IDH1: variants seen among roughly 807,000 people sequenced by gnomAD.
IDH1 encodes the protein isocitrate dehydrogenase [NADP] cytoplasmic.
Under a neutral mutation model 46.1 loss-of-function variants are expected in IDH1, and 33 were observed. The ratio of observed to expected loss-of-function variants is 0.72; its 90% confidence interval spans 0.54 to 0.96. IDH1 has a LOEUF of 0.96. Among genes scored for constraint, IDH1 ranks in the 40% least tolerant of loss-of-function variants. The pLI, the probability that IDH1 is intolerant of heterozygous loss-of-function variation, is 0.00. For synonymous variants in IDH1, 144 were observed against 172.8 expected (o/e 0.83, Z 1.31); for missense variants, 421 against 515.7 (o/e 0.82, Z 1.78).
chr2:208,236,977 C>A lies in IDH1; in HGVS notation c.*102G>T. ...TAAACTCTGGCTTCTAAACAAATTA[C>A]AAAATTGATTTTGCCTTTATCCTTG... is the stretch of plus-strand genomic sequence containing the variant. On this transcript the variant is annotated 3_prime_UTR_variant, in exon 10 of 10. Coordinates refer to ENST00000345146, the MANE Select transcript of IDH1 (RefSeq NM_005896.4). 1 of 698,232 alleles carries A rather than the reference C, an allele frequency of 1.4e-6. No individual in the cohort carries two copies. The highest frequency in any genetic ancestry group is 2.5e-6 in the Non-Finnish European group (1 of 396,584). The allele number at this position is 698,232 out of a possible 1,614,324, so 43.3% of individuals were successfully genotyped here.
At chr2:208,252,805 C>G (rs914925155) in intron 2 of IDH1, among the ~76,000 whole-genome samples, 3 of 152,222 alleles carry the variant, frequency 2.0e-5, no homozygotes, top group Admixed American at 2.0e-4. Context: ...CCCATTTTCA[C>G]TTCCCAAATT....
In IDH1 at chr2:208,251,367, C is replaced by T. The variant is rs547698484; in HGVS notation, c.122+63G>A. 1.4e-5 allele frequency: 23 copies of T among 1,589,872 alleles called. No homozygotes were observed. The South Asian group carries it at 2.2e-4, about 15-fold the overall frequency. ...CTAAGTAGCTGGGACTTCACGTGTG[C>T]ACCACCATGCCCAGCCAGATTATCC... On this transcript the variant is annotated intron_variant, in intron 3 of 9. Transcript: ENST00000345146.
chr2:208,250,715 TACAC>T (rs1364361939), intron 3 of IDH1, among the ~76,000 whole-genome samples: 3 of 152,196 alleles, frequency 2.0e-5, no homozygotes, highest in Non-Finnish European at 4.4e-5. Context: ...CCAGGCACTT[TACAC>T]ACAGGGCAAA....
rs764425733 is a variant in IDH1, at chr2:208,245,393, G to A, written c.446C>T (p.Pro149Leu). ...YRATDFVVPG[P>L]GKVEITYTPS... ...TGTGTAGGTTATCTCTACTTTTCCA[G>A]GCCCAGGAACAACAAAATCAGTTGC... The change falls in exon 5 of 10, where the codon CCT becomes CTT. Residue 149 changes from proline (P) to leucine (L), a missense_variant. By Grantham distance (98) the Pro-to-Leu change is moderately conservative. Coordinates refer to ENST00000345146, the MANE Select transcript of IDH1 (RefSeq NM_005896.4). 5 of 1,611,722 alleles carry A rather than the reference G, an allele frequency of 3.1e-6. No individual in the cohort carries two copies. In the East Asian group the frequency reaches 1.1e-4, roughly 36 times the overall value.
rs1687871079 is a variant in IDH1 at position 208,239,136 on chromosome 2, A to T, written c.1089T>A (p.Ser363=). 6.2e-7 allele frequency: 1 copy of T among 1,613,784 alleles called. No homozygotes were observed. Among genetic ancestry groups the T allele is most frequent in the South Asian group, 1.1e-5 (1 of 91,076 alleles). The change falls in exon 9 of 10, where the codon TCT becomes TCA. Residue 363 remains serine, a synonymous_variant. Transcript: ENST00000345146. ...TGAAGCCAGCCTCAATTGTCTCAAT[A>T]GAGACTTCTTCCAAAGCATTTGCAA... ...AFFANALEEV[S]IETIEAGFMT...
At chr2:208,249,857 C>T (rs1157965031) in intron 3 of IDH1, among the ~76,000 whole-genome samples, 2 of 152,152 alleles carry the variant, frequency 1.3e-5, no homozygotes, top group African/African-American at 4.8e-5. Context: ...TGATCCAATC[C>T]CAACTCCAAC....
chr2:208,246,780 T>C (rs1371959424), intron 4 of IDH1, among the ~76,000 whole-genome samples: 1 of 150,848 alleles, frequency 6.6e-6, no homozygotes, highest in East Asian at 2.0e-4. Context: ...CCGTCTCTAC[T>C]AAAAACACAA....
chr2:208,244,732 G>A (rs1330559725), intron 5 of IDH1, among the ~76,000 whole-genome samples: 1 of 152,190 alleles, frequency 6.6e-6, no homozygotes, highest in Non-Finnish European at 1.5e-5. Flanking sequence ...GGGTATTTTT[G>A]TTTGTGTGAG....
At chr2:208,247,345 C>T (rs947282248) in intron 4 of IDH1, 2 of 152,212 alleles carry the variant, frequency 1.3e-5, no homozygotes, top group African/African-American at 4.8e-5. Flanking sequence ...AATTTGGCAA[C>T]AAGTGTACTG....
At chr2:208,245,446 A>G (rs1387533628) in intron 4 of IDH1, 22 bp from the exon 5 acceptor site, 1 of 1,320,620 alleles carries the variant, frequency 7.6e-7, no homozygotes, top group Non-Finnish European at 1.1e-6. Context: ...GGAAAAAGGT[A>G]TAAAGAAAAA....
At position 208,245,318 on chromosome 2, in the gene IDH1, C is replaced by A. The variant is rs1359201780; in HGVS notation, c.520+1G>T. 6.8e-7 allele frequency: 1 copy of A among 1,470,812 alleles called. No homozygotes were observed. The highest frequency in any genetic ancestry group is 9.5e-7 in the Non-Finnish European group (1 of 1,050,924). The allele number at this position is 1,470,812 out of a possible 1,614,324, so 91.1% of individuals were successfully genotyped here. A position where few individuals can be genotyped will look rare whatever the true frequency, so the allele number is the denominator to read the frequency against. ...GAAGCTTATGCTACAGTCATACATA[C>A]CTTCAAAGTTATGTACCAGGTATGT... is the stretch of plus-strand genomic sequence containing the variant. On this transcript the variant is annotated splice_donor_variant, in intron 5 of 9. Transcript: ENST00000345146. LOFTEE classifies it high-confidence loss of function.
chr2:208,248,030 G>A, intron 4 of IDH1: 1 of 322,178 alleles, frequency 3.1e-6, no homozygotes, highest in African/African-American at 2.2e-5. Context: ...CTATTGTGCA[G>A]CCAGTGTTGA....
At chr2:208,250,296 G>C (rs1688098987) in intron 3 of IDH1, among the ~76,000 whole-genome samples, 1 of 39,622 alleles carries the variant, frequency 2.5e-5, no homozygotes, top group Non-Finnish European at 8.0e-5. Context: ...GAGTTCCTAA[G>C]ATGCTTTTTT....
At chr2:208,241,784 G>T (rs1470814288) in intron 7 of IDH1, among the ~76,000 whole-genome samples, 1 of 152,194 alleles carries the variant, frequency 6.6e-6, no homozygotes, top group African/African-American at 2.4e-5. Flanking sequence ...GGAGCCAGGA[G>T]TGTCAATCCA....
chr2:208,247,445 T>A (rs1252242870), intron 4 of IDH1: 2 of 152,224 alleles, frequency 1.3e-5, no homozygotes, highest in African/African-American at 4.8e-5. Context: ...GTTTTTTTTT[T>A]CTTTTTCTTT....
intron 8 of IDH1, 123 bp from the exon 9 acceptor site, chr2:208,239,356 A>T (rs1687875566): frequency 1.1e-6 from 1 of 931,736 alleles, no homozygotes; most frequent in African/African-American, 1.6e-5. Flanking sequence ...TTAGATACTA[A>T]CCACATGGGC....
At position 208,250,691 on chromosome 2, in the gene IDH1, T is replaced by G. The variant is rs137929585; in HGVS notation, c.122+739A>C. ...AAAAAAATGAGAGAATTACATAGAC[T>G]TTTGCATCTGTCCCCAGGCACTTTA... On this transcript the variant is annotated intron_variant, in intron 3 of 9. Transcript: ENST00000345146. 6.5e-3 allele frequency among the ~76,000 whole-genome samples: 990 copies of G among 152,228 alleles called. 16 individuals are homozygous for G. Among genetic ancestry groups the G allele is most frequent in the Middle Eastern group, 0.01 (3 of 294 alleles).
chr2:208,252,753 G>T (rs932907406), intron 2 of IDH1, among the ~76,000 whole-genome samples: 1 of 152,170 alleles, frequency 6.6e-6, no homozygotes, highest in Non-Finnish European at 1.5e-5. Flanking sequence ...GACAGTAAGC[G>T]TCTGTTTCTT....
intron 4 of IDH1, among the ~76,000 whole-genome samples, chr2:208,245,633 A>G (rs1263625414): frequency 1.3e-5 from 2 of 148,384 alleles, no homozygotes; most frequent in Non-Finnish European, 3.0e-5. Context: ...TGCCTATACG[A>G]GGTATAGGAA....
Sources: allele counts gnomAD v4.1 joint callset (sites outside exome capture counted in the v4.1 genomes callset), GRCh38; gene constraint gnomAD v4.1.1; transcripts MANE v1.5; gene names NCBI Gene and HGNC (gene_info 2026-07-23, HGNC 2026-07-21).